GALNT13: variants seen among roughly 807,000 people sequenced by gnomAD.
The protein encoded by GALNT13 is UDP-GalNAc:polypeptide N-acetylgalactosaminyltransferase 13.
GALNT13 carries 28 observed loss-of-function variants against 64.2 expected under a neutral mutation model. That is an observed-to-expected ratio of 0.44 (90% CI 0.32 to 0.60). The LOEUF (loss-of-function observed/expected upper bound fraction) is 0.60, where lower values mean the gene tolerates loss of function less well. GALNT13 is among the 20% of genes least tolerant of loss of function. The pLI is 0.05. For missense variants in GALNT13, 577 were observed against 669.8 expected (o/e 0.86, Z 1.53); for synonymous variants, 214 against 224.6 (o/e 0.95, Z 0.42).
Position 154,041,457 on chromosome 2 carries a change from T to C in GALNT13, c.142+96818T>C. Among the ~76,000 whole-genome samples the C allele has an allele frequency of 1.4e-5, 2 of 140,296 alleles. 1 individual carries two copies. 92.0% of individuals were successfully genotyped at this position (140,296 alleles called of 152,430 possible). On this transcript the variant is annotated intron_variant, in intron 3 of 12. Coordinates refer to ENST00000392825, the MANE Select transcript of GALNT13 (RefSeq NM_052917.4). The stretch of plus-strand genomic sequence containing the variant: ...CGCTTTTATATTAGAAGATGTTCTG[T>C]GAGGTTTTTTTCTGGACAGATATTA...
chr2:153,226,154 G>A, the GALNT13 span, among the ~76,000 whole-genome samples: 6 of 151,948 alleles, frequency 3.9e-5, no homozygotes, highest in African/African-American at 1.2e-4. Flanking sequence ...GGCTGGTCTC[G>A]AACTCCTGAC....
intron 2 of GALNT13, among the ~76,000 whole-genome samples, chr2:153,925,183 T>C (rs1164589683): frequency 6.6e-6 from 1 of 152,194 alleles, no homozygotes; most frequent in Admixed American, 6.5e-5. Flanking sequence ...TTTTATAGTT[T>C]TGGGTATGTA....
At chr2:153,535,061 C>G in the GALNT13 span, among the ~76,000 whole-genome samples, 17 of 151,922 alleles carry the variant, frequency 1.1e-4, no homozygotes, top group African/African-American at 4.1e-4. Context: ...CGATGTTTCT[C>G]AGGGCTGCTT....
intron 9 of GALNT13, among the ~76,000 whole-genome samples, chr2:154,304,055 A>T (rs567147189): frequency 6.6e-6 from 1 of 152,210 alleles, no homozygotes; most frequent in Admixed American, 6.5e-5. Context: ...CGCCCGCAAA[A>T]ACTTTTTTAT....
intron 3 of GALNT13, among the ~76,000 whole-genome samples, chr2:153,990,662 C>T (rs1695100584): frequency 6.6e-6 from 1 of 151,992 alleles, no homozygotes; most frequent in African/African-American, 2.4e-5. Flanking sequence ...GAAAATAAAA[C>T]AAAAGAGTAG....
At chr2:153,387,826 G>A in the GALNT13 span, among the ~76,000 whole-genome samples, 1 of 152,018 alleles carries the variant, frequency 6.6e-6, no homozygotes, top group Non-Finnish European at 1.5e-5. Flanking sequence ...AAAAAGCTCA[G>A]TTTTTTTAGT....
the GALNT13 span, among the ~76,000 whole-genome samples, chr2:153,440,066 T>C: frequency 6.6e-6 from 1 of 152,174 alleles, no homozygotes; most frequent in Non-Finnish European, 1.5e-5. Flanking sequence ...ACCCGTCATC[T>C]ACATAGGTAT....
intron 4 of GALNT13, among the ~76,000 whole-genome samples, chr2:154,235,227 T>C (rs535708820): frequency 3.9e-5 from 6 of 152,304 alleles, no homozygotes; most frequent in South Asian, 4.1e-4. Context: ...GGCATCTCCC[T>C]GGATTTTAAA....
At chr2:154,432,511 T>C (rs576916596) in intron 11 of GALNT13, among the ~76,000 whole-genome samples, 116 of 152,346 alleles carry the variant, frequency 7.6e-4, no homozygotes, top group Non-Finnish European at 1.2e-3. Flanking sequence ...AATAGAAACC[T>C]AGTAAATTGC....
At chr2:154,304,622 C>T (rs986165502) in intron 9 of GALNT13, among the ~76,000 whole-genome samples, 3 of 152,118 alleles carry the variant, frequency 2.0e-5, no homozygotes, top group Non-Finnish European at 4.4e-5. Flanking sequence ...GGAACCATTT[C>T]TCAAATTATA....
At chr2:153,562,042 T>TTCTCTC in the GALNT13 span, among the ~76,000 whole-genome samples, 814 of 112,688 alleles carry the variant, frequency 7.2e-3, 17 homozygotes, top group African/African-American at 0.025. Flanking sequence ...CTCTCTCTCT[T>TTCTCTC]TCTCTCTCTC....
chr2:154,407,681 G>C (rs1295209021), intron 10 of GALNT13, among the ~76,000 whole-genome samples: 2 of 151,986 alleles, frequency 1.3e-5, no homozygotes, highest in African/African-American at 4.8e-5. Flanking sequence ...ATGGGTTGCT[G>C]CTCAGATTTT....
At chr2:154,102,570 G>T (rs1055611849) in intron 3 of GALNT13, among the ~76,000 whole-genome samples, 6 of 152,112 alleles carry the variant, frequency 3.9e-5, no homozygotes, top group Admixed American at 3.3e-4. Context: ...ACTGGGTGCA[G>T]TGTACACTGT....
At chr2:154,063,334 A>G (rs1700292358) in intron 3 of GALNT13, among the ~76,000 whole-genome samples, 1 of 151,986 alleles carries the variant, frequency 6.6e-6, no homozygotes, top group African/African-American at 2.4e-5. Flanking sequence ...TCTTTTAGGG[A>G]CTGATTTGGT....
At chr2:153,533,723 C>CTGTTTTTT in the GALNT13 span, among the ~76,000 whole-genome samples, 1 of 48,730 alleles carries the variant, frequency 2.1e-5, no homozygotes, top group Non-Finnish European at 3.6e-5. Context: ...TGAGGTTTTT[C>CTGTTTTTT]TTTTTTTTTT....
chr2:153,395,696 T>C, the GALNT13 span, among the ~76,000 whole-genome samples: 2 of 152,132 alleles, frequency 1.3e-5, no homozygotes, highest in African/African-American at 2.4e-5. Flanking sequence ...TTTGTCTTAG[T>C]TGAAAATTTG....
the GALNT13 span, among the ~76,000 whole-genome samples, chr2:153,788,195 A>ACC: frequency 6.6e-6 from 1 of 152,130 alleles, no homozygotes; most frequent in African/African-American, 2.4e-5. Context: ...GTAAGAGAGA[A>ACC]AGGACAGGTC....
chr2:153,822,650 T>G, the GALNT13 span, among the ~76,000 whole-genome samples: 1 of 150,884 alleles, frequency 6.6e-6, no homozygotes, highest in Non-Finnish European at 1.5e-5. Flanking sequence ...GCTGGAAGCA[T>G]TCCCCTTAAG....
the GALNT13 span, among the ~76,000 whole-genome samples, chr2:153,597,755 TC>T: frequency 1.3e-5 from 2 of 152,098 alleles, no homozygotes; most frequent in Non-Finnish European, 2.9e-5. Flanking sequence ...GGATATATGT[TC>T]TTATAGCTCA....
Sources: allele counts gnomAD v4.1 joint callset (sites outside exome capture counted in the v4.1 genomes callset), GRCh38; gene constraint gnomAD v4.1.1; transcripts MANE v1.5; gene names NCBI Gene and HGNC (gene_info 2026-07-23, HGNC 2026-07-21).